The following DDX56 variants were observed in gnomAD, a reference collection of about 807,000 sequenced individuals.
DDX56 encodes the protein DEAD-box helicase 56.
In DDX56, 45 loss-of-function variants were observed where a neutral mutation model predicts 61.5. That is an observed-to-expected ratio of 0.73 (90% CI 0.58 to 0.94). The LOEUF (loss-of-function observed/expected upper bound fraction) is 0.94, where lower values mean the gene tolerates loss of function less well. Among genes scored for constraint, DDX56 ranks in the 40% least tolerant of loss-of-function variants. The probability of loss-of-function intolerance (pLI) is 0.00; values close to 1 mark genes in which losing one functional copy is unlikely to be tolerated. For synonymous variants in DDX56, 273 were observed against 268.3 expected, an observed-to-expected ratio of 1.02 and a Z score of -0.17; for missense variants, 708 against 690.7, an observed-to-expected ratio of 1.02 and a Z score of -0.28.
chr7:44,572,463 T>C (rs762051608), intron 4 of DDX56, 26 bp from the exon 5 acceptor site: 1 of 1,613,690 alleles, frequency 6.2e-7, no homozygotes, highest in South Asian at 1.1e-5. Context: ...CCAATCAGAT[T>C]CCAGCTCCAA....
chr7:44,566,489 T>C lies in DDX56; in HGVS notation c.1525A>G (p.Lys509Glu). The stretch of plus-strand genomic sequence containing the variant: ...GAGGAAGACAGCTTCTTCCGCTTCT[T>C]GTGAGGGCGCACCAGGCCACGGAGA... The part of the protein sequence containing the change: ...PALRGLVRPH[K>E]KRKKLSSSCR... Residue 509 changes from lysine (K) to glutamate (E), a missense_variant, in exon 13 of 14, where the codon AAG (lysine) becomes GAG (glutamate). Lys to Glu is a moderately conservative substitution (Grantham distance 56). Coordinates refer to ENST00000258772, the MANE Select transcript of DDX56 (RefSeq NM_019082.4). 1 of 1,568,044 alleles carries C rather than the reference T, an allele frequency of 6.4e-7. No individual in the cohort carries two copies. The highest frequency in any genetic ancestry group is 8.7e-7 in the Non-Finnish European group (1 of 1,155,740).
Position 44,570,779 on chromosome 7 carries a change from C to A in DDX56, c.989G>T (p.Gly330Val). 1.2e-6 allele frequency: 2 copies of A among 1,613,366 alleles called. No homozygotes were observed. Among genetic ancestry groups the A allele is most frequent in the Non-Finnish European group, 1.7e-6 (2 of 1,179,386 alleles). The part of the protein sequence containing the change: ...LGAPVKGKRR[G>V]RGPKGDKASD... ...TCACTTGTCCCCTTTGGGCCCTCGG[C>A]CCCGACGCTTGCCCTTGACTGGGGC... The change falls in exon 7 of 14, where the codon GGC becomes GTC. Residue 330 changes from glycine (G) to valine (V), a missense_variant. By Grantham distance (109) the Gly-to-Val change is moderately radical. Coordinates refer to ENST00000258772, the MANE Select transcript of DDX56 (RefSeq NM_019082.4).
chr7:44,568,162 G>A lies in DDX56; in HGVS notation c.1445C>T (p.Pro482Leu). ...GCCCAGGTGGGGCTTCACCACTGCG[G>A]GGTGCAAAGGTAGGTCATGCCGCAG... ...QLLRHDLPLH[P>L]AVVKPHLGHV... Residue 482 changes from proline to leucine, a missense_variant, in exon 12 of 14, where the codon CCC (proline) becomes CTC (leucine). Pro to Leu is a moderately conservative substitution (Grantham distance 98). Coordinates refer to ENST00000258772, the MANE Select transcript of DDX56 (RefSeq NM_019082.4). 6.2e-7 allele frequency: 1 copy of A among 1,614,160 alleles called. No homozygotes were observed. The highest frequency in any genetic ancestry group is 8.5e-7 in the Non-Finnish European group (1 of 1,179,978).
intron 7 of DDX56, 118 bp from the exon 8 acceptor site, chr7:44,570,246 G>A: frequency 7.5e-7 from 1 of 1,341,846 alleles, no homozygotes. Context: ...GACATACAGA[G>A]GACTCTCCAA....
chr7:44,572,413 A>C lies in DDX56; in HGVS notation c.579T>G (p.Ala193=). 5 of 1,614,130 alleles carry C rather than the reference A, an allele frequency of 3.1e-6. No homozygotes were observed. The highest frequency in any genetic ancestry group is 3.4e-6 in the Non-Finnish European group (4 of 1,180,036). ...LLCHLPRIYQ[A]FLMSATFNED... ...CGTTAAAAGTAGCTGACATGAGAAA[A>C]GCCTGGTAAATCCGGGGCAAGTGAC... is the stretch of plus-strand genomic sequence containing the variant. Residue 193 remains alanine (A), a synonymous_variant, in exon 5 of 14, where the codon GCT becomes GCG. Coordinates refer to ENST00000258772, the MANE Select transcript of DDX56 (RefSeq NM_019082.4).
At position 44,566,514 on chromosome 7, in the gene DDX56, A is replaced by G. The variant is rs1405118213; in HGVS notation, c.1500T>C (p.Ala500=). The G allele has an allele frequency of 1.1e-5, 17 of 1,561,958 alleles. No homozygotes were observed. In the East Asian group the frequency reaches 2.6e-4, roughly 24 times the overall value. The change falls in exon 13 of 14, where the codon GCT becomes GCC. Residue 500 remains alanine (A), a synonymous_variant. Transcript: ENST00000258772. Reference sequence around the variant, plus strand: ...TGTGAGGGCGCACCAGGCCACGGAGAGCAGGAGGAACTGGAAGAGATGCTT... The same window carrying G: ...TGTGAGGGCGCACCAGGCCACGGAGGGCAGGAGGAACTGGAAGAGATGCTT... The part of the protein sequence containing the change: ...GHVPDYLVPP[A]LRGLVRPHKK...
chr7:44,568,010 A>G (rs965837418), intron 12 of DDX56, 108 bp downstream of exon 12: 1 of 873,402 alleles, frequency 1.1e-6, no homozygotes, highest in Non-Finnish European at 1.9e-6. Flanking sequence ...TCCAGGTTCT[A>G]TTCTGCCTGA....
In DDX56 at chr7:44,573,824, C is replaced by G. The variant is rs78612841; in HGVS notation, c.60+12G>C. ...AGAGCCCGTAAGCCGGCTCCCCAGC[C>G]CTCGCGTGTACCTGAAGGAGCCGGG... On this transcript the variant is annotated intron_variant, in intron 1 of 13. Coordinates refer to ENST00000258772, the MANE Select transcript of DDX56 (RefSeq NM_019082.4). The G allele has an allele frequency of 9.3e-4, 1,508 of 1,613,350 alleles. 17 individuals are homozygous for G. In the African/African-American group the frequency reaches 0.014, roughly 15 times the overall value.
chr7:44,570,850 T>C lies in DDX56; in HGVS notation c.918A>G (p.Gln306=), dbSNP rs780475384. 2.5e-6 allele frequency: 4 copies of C among 1,613,554 alleles called. No individual in the cohort carries two copies. The highest frequency in any genetic ancestry group is 3.4e-6 in the Non-Finnish European group (4 of 1,179,510). Residue 306 remains glutamine (Q), a synonymous_variant, in exon 7 of 14, where the codon CAA becomes CAG. Coordinates refer to ENST00000258772, the MANE Select transcript of DDX56 (RefSeq NM_019082.4). ...TTGCTATGACACAGTCGTAGAAGCC[T>C]TGGTTGAACTGTGAGATGATGTGGC... The part of the protein sequence containing the change: ...SRCHIISQFN[Q]GFYDCVIATD...
In DDX56 at chr7:44,569,197, C is replaced by T; in HGVS notation, c.1226G>A (p.Arg409Lys). 6.2e-7 allele frequency: 1 copy of T among 1,613,834 alleles called. No homozygotes were observed. The highest frequency in any genetic ancestry group is 8.5e-7 in the Non-Finnish European group (1 of 1,180,022). ...CTGGTAGGGGAGCAGAATGGGGCCC[C>T]TGTTCTCTGTGGAGAAGAAAGCAGC... The part of the protein sequence containing the change: ...KIEELLSGEN[R>K]GPILLPYQFR... Residue 409 changes from arginine to lysine, a missense_variant, in exon 10 of 14, where the codon AGG becomes AAG. Physicochemically the swap from Arg to Lys is conservative, Grantham distance 26. Coordinates refer to ENST00000258772, the MANE Select transcript of DDX56 (RefSeq NM_019082.4).
At chr7:44,566,132 C>T in intron 13 of DDX56, 53 bp from the exon 14 acceptor site, 2 of 1,036,562 alleles carry the variant, frequency 1.9e-6, no homozygotes, top group Non-Finnish European at 2.8e-6. Context: ...ACAGACAATC[C>T]ACCCACCCAC....
Position 44,569,004 on chromosome 7 carries a change from C to T in DDX56, c.1294-12G>A, listed in dbSNP as rs936234300. The T allele has an allele frequency of 6.2e-7, 1 of 1,613,988 alleles. No homozygotes were observed. Among genetic ancestry groups the T allele is most frequent in the Non-Finnish European group, 8.5e-7 (1 of 1,179,972 alleles). ...GAGCGCATGGCATCCTGGGGGTGGACACTGAAGGTCAAGACAGTGAGGCTG... is the reference window on the plus strand; with the variant it reads ...GAGCGCATGGCATCCTGGGGGTGGATACTGAAGGTCAAGACAGTGAGGCTG... On this transcript the variant is annotated splice_polypyrimidine_tract_variant and intron_variant, in intron 10 of 13. Coordinates refer to ENST00000258772, the MANE Select transcript of DDX56 (RefSeq NM_019082.4).
In DDX56 at chr7:44,566,082, A is replaced by G; in HGVS notation, c.1567-3T>C. 6.2e-7 allele frequency: 1 copy of G among 1,602,772 alleles called. No individual in the cohort carries two copies. On this transcript the variant is annotated splice_polypyrimidine_tract_variant and splice_region_variant and intron_variant, in intron 13 of 13. Transcript: ENST00000258772. ...AGTGGGTTCTGGGACTTTGCTCTCT[A>G]AGGAGGCAAAGTCACAGGTTAGTTG...
intron 6 of DDX56, 110 bp from the exon 7 acceptor site, chr7:44,570,987 C>G: frequency 7.5e-7 from 1 of 1,336,848 alleles, no homozygotes; most frequent in Non-Finnish European, 1.0e-6. Flanking sequence ...TCTTCTTAAT[C>G]TCTTTCCCTA....
chr7:44,572,541 T>C (rs368374065), intron 4 of DDX56, 33 bp downstream of exon 4: 4 of 1,613,514 alleles, frequency 2.5e-6, no homozygotes, highest in African/African-American at 2.7e-5. Flanking sequence ...TCACAGATGT[T>C]TCCACTAGGA....
Position 44,566,014 on chromosome 7 carries a change from G to A in DDX56, c.1632C>T (p.Ala544=). The part of the protein sequence containing the change: ...KHKGKKFRPT[A]KPS The stretch of plus-strand genomic sequence containing the variant: ...AGGCCCAACAACCTCAGGAGGGCTT[G>A]GCTGTGGGTCTGAATTTCTTTCCTT... Residue 544 remains alanine (A), a synonymous_variant, in exon 14 of 14, where the codon GCC becomes GCT. Transcript: ENST00000258772. The A allele has an allele frequency of 6.2e-7, 1 of 1,612,638 alleles. No individual in the cohort carries two copies. Among genetic ancestry groups the A allele is most frequent in the South Asian group, 1.1e-5 (1 of 90,706 alleles).
Position 44,573,754 on chromosome 7 carries a change from C to T in DDX56, c.61-10G>A. On this transcript the variant is annotated splice_polypyrimidine_tract_variant and intron_variant, in intron 1 of 13. Transcript: ENST00000258772. The stretch of plus-strand genomic sequence containing the variant: ...CCAGATCGGTGACAGCCTAGGAGAC[C>T]AGGAGTGCGGTTTAAGCGGCGTGAA... The T allele has an allele frequency of 6.2e-7, 1 of 1,613,512 alleles. No individual in the cohort carries two copies. The highest frequency in any genetic ancestry group is 8.5e-7 in the Non-Finnish European group (1 of 1,179,978).
rs1802745603 is a variant in DDX56, at chr7:44,573,816, T to C, written c.60+20A>G. ...CGCCCCGCAGAGCCCGTAAGCCGGC[T>C]CCCCAGCCCTCGCGTGTACCTGAAG... On this transcript the variant is annotated intron_variant, in intron 1 of 13. Transcript: ENST00000258772. The C allele has an allele frequency of 6.8e-6, 11 of 1,613,186 alleles. No individual in the cohort carries two copies. The highest frequency in any genetic ancestry group is 9.3e-6 in the Non-Finnish European group (11 of 1,179,984).
chr7:44,571,775 AAC>A, intron 5 of DDX56, 39 bp from the exon 6 acceptor site: 1 of 1,609,124 alleles, frequency 6.2e-7, no homozygotes, highest in Non-Finnish European at 8.5e-7. Context: ...AAAGGAAAAG[AAC>A]ACAGAGATGT....
Sources: gnomAD v4.1 joint callset for allele counts on GRCh38, gnomAD v4.1.1 for gene constraint, MANE v1.5 for transcripts, NCBI Gene and HGNC (gene_info 2026-07-23, HGNC 2026-07-21) for gene names.